PARD3B: variants seen among roughly 807,000 people sequenced by gnomAD.
The protein encoded by PARD3B is par-3 family cell polarity regulator beta, also known as partitioning defective 3 homolog B.
In PARD3B, 103 loss-of-function variants were observed where a neutral mutation model predicts 130.2. That is an observed-to-expected ratio of 0.79 (90% CI 0.67 to 0.93). The LOEUF is 0.93. Among genes scored for constraint, PARD3B ranks in the 40% least tolerant of loss-of-function variants. The pLI is 0.00. For synonymous variants in PARD3B, 583 were observed against 553.2 expected, an observed-to-expected ratio of 1.05 and a Z score of -0.76; for missense variants, 1,609 against 1,499.2, an observed-to-expected ratio of 1.07 and a Z score of -1.21.
intron 18 of PARD3B, among the ~76,000 whole-genome samples, chr2:205,374,140 T>G (rs539109506): frequency 5.8e-4 from 87 of 149,044 alleles, no homozygotes; most frequent in Non-Finnish European, 1.1e-3. Flanking sequence ...TTCTTTTTCC[T>G]ATTTAAAATT....
At chr2:204,643,614 T>A (rs949975439) in intron 1 of PARD3B, among the ~76,000 whole-genome samples, 2 of 152,122 alleles carry the variant, frequency 1.3e-5, no homozygotes, top group Admixed American at 1.3e-4. Context: ...TTTTTGTGAT[T>A]TTTTTAAGCT....
At chr2:205,132,251 A>T (rs1183790766) in intron 10 of PARD3B, among the ~76,000 whole-genome samples, 2 of 152,184 alleles carry the variant, frequency 1.3e-5, no homozygotes, top group Non-Finnish European at 2.9e-5. Flanking sequence ...CAACTGGTAG[A>T]TGTGGGAGTG....
chr2:205,184,008 T>C (rs1160916153), intron 13 of PARD3B, among the ~76,000 whole-genome samples: 1 of 152,078 alleles, frequency 6.6e-6, no homozygotes, highest in Admixed American at 6.5e-5. Flanking sequence ...AAAGCCAATG[T>C]CCCATGTCAA....
chr2:204,663,735 C>T (rs1031826682), intron 1 of PARD3B, among the ~76,000 whole-genome samples: 6 of 152,082 alleles, frequency 3.9e-5, no homozygotes, highest in African/African-American at 4.8e-5. Flanking sequence ...AGATTAATCT[C>T]GTTTTGTAGA....
At chr2:205,613,506 G>A (rs1318959616) in intron 22 of PARD3B, among the ~76,000 whole-genome samples, 1 of 152,192 alleles carries the variant, frequency 6.6e-6, no homozygotes, top group Non-Finnish European at 1.5e-5. Context: ...GAAAGGGAAA[G>A]GTGAAATCCA....
chr2:204,732,843 T>C (rs1294993553), intron 2 of PARD3B, among the ~76,000 whole-genome samples: 1 of 152,202 alleles, frequency 6.6e-6, no homozygotes, highest in Non-Finnish European at 1.5e-5. Context: ...GAAAAATGCC[T>C]GATTTGATAA....
Position 205,124,340 on chromosome 2 carries a change from T to C in PARD3B, c.1179T>C (p.Leu393=), listed in dbSNP as rs2031122059. 1 of 1,577,972 alleles carries C rather than the reference T, an allele frequency of 6.3e-7. No individual in the cohort carries two copies. The highest frequency in any genetic ancestry group is 1.8e-5 in the Admixed American group (1 of 56,492). ...CTTATACACTAGGCCCTGAAGGACT[T>C]GGTTTCACTGTGGTTACCAGAGACT... ...KIDLKKGPEG[L]GFTVVTRDSS... Residue 393 remains leucine (L), a synonymous_variant, in exon 9 of 23, where the codon CTT becomes CTC. Transcript: ENST00000406610.
intron 2 of PARD3B, among the ~76,000 whole-genome samples, chr2:204,850,496 A>G (rs1198629229): frequency 6.6e-6 from 1 of 151,926 alleles, no homozygotes; most frequent in Non-Finnish European, 1.5e-5. Flanking sequence ...ATATATAGAT[A>G]TATGTATATA....
Position 205,417,198 on chromosome 2 carries a change from T to G in PARD3B, c.2741+16075T>G, listed in dbSNP as rs530475833. Among the ~76,000 whole-genome samples, 92 of 151,588 alleles carry G rather than the reference T, an allele frequency of 6.1e-4. 1 individual carries two copies. Among genetic ancestry groups the G allele is most frequent in the Non-Finnish European group, 1.1e-3 (78 of 67,904 alleles). ...TGTAGTGTTTGGTTTTCTGTCCTTG[T>G]GATAGTTTGCTCAGAATGATGGTTT... On this transcript the variant is annotated intron_variant, in intron 19 of 22. Transcript: ENST00000406610.
chr2:205,326,488 G>C (rs1485581710), intron 18 of PARD3B, among the ~76,000 whole-genome samples: 1 of 152,138 alleles, frequency 6.6e-6, no homozygotes, highest in African/African-American at 2.4e-5. Context: ...ACCAAGTCAG[G>C]CTCTAGGAGT....
intron 3 of PARD3B, among the ~76,000 whole-genome samples, chr2:205,041,311 A>G (rs910358827): frequency 2.0e-5 from 3 of 152,204 alleles, no homozygotes; most frequent in Non-Finnish European, 2.9e-5. Context: ...TCTAACAGTC[A>G]GTGGGCTGAA....
chr2:204,773,114 TAACA>T (rs1559133295), intron 2 of PARD3B, among the ~76,000 whole-genome samples: 1 of 152,038 alleles, frequency 6.6e-6, no homozygotes, highest in East Asian at 1.9e-4. Context: ...TTGAAGTATT[TAACA>T]AACTGGTAAA....
At chr2:205,299,554 T>TTATATATTATA (rs1248510016) in intron 16 of PARD3B, among the ~76,000 whole-genome samples, 13 of 3,130 alleles carry the variant, frequency 4.2e-3, no homozygotes, top group Admixed American at 0.013. Context: ...CCTGCTAATA[T>TTATATATTATA]TATATATTAT....
chr2:204,978,950 A>G (rs1387836842), intron 3 of PARD3B, among the ~76,000 whole-genome samples: 2 of 148,302 alleles, frequency 1.3e-5, no homozygotes, highest in East Asian at 4.0e-4. Flanking sequence ...GAGAGACAAA[A>G]TGAGACCCTG....
chr2:204,964,210 C>G (rs1425853613), intron 2 of PARD3B, among the ~76,000 whole-genome samples: 1 of 152,170 alleles, frequency 6.6e-6, no homozygotes, highest in African/African-American at 2.4e-5. Flanking sequence ...CTGTAGCTGC[C>G]TCATTTACTC....
At chr2:204,960,694 A>G (rs1232249739) in intron 2 of PARD3B, among the ~76,000 whole-genome samples, 1 of 152,168 alleles carries the variant, frequency 6.6e-6, no homozygotes, top group African/African-American at 2.4e-5. Flanking sequence ...AGCACCTATG[A>G]TGGCATATTC....
intron 19 of PARD3B, among the ~76,000 whole-genome samples, chr2:205,411,171 C>G (rs954325485): frequency 2.0e-5 from 3 of 152,038 alleles, no homozygotes; most frequent in African/African-American, 7.2e-5. Flanking sequence ...AGGACAGCCC[C>G]CTGCAACAAA....
At chr2:205,371,759 G>C (rs2044827578) in intron 18 of PARD3B, among the ~76,000 whole-genome samples, 2 of 152,102 alleles carry the variant, frequency 1.3e-5, no homozygotes, top group Non-Finnish European at 2.9e-5. Flanking sequence ...TTGAAGTGTA[G>C]AATCCAGTGG....
At chr2:204,742,437 G>A (rs2040047763) in intron 2 of PARD3B, among the ~76,000 whole-genome samples, 2 of 152,150 alleles carry the variant, frequency 1.3e-5, no homozygotes. Context: ...GAGATGTGAA[G>A]AAGGTGAGGA....
Sources: gnomAD v4.1 joint callset for allele counts (sites outside exome capture counted in the v4.1 genomes callset) on GRCh38, gnomAD v4.1.1 for gene constraint, MANE v1.5 for transcripts, NCBI Gene and HGNC (gene_info 2026-07-23, HGNC 2026-07-21) for gene names.